PRKD2: variants seen among roughly 807,000 people sequenced by gnomAD.
PRKD2 encodes protein kinase D2.
Under a neutral mutation model 86.0 loss-of-function variants are expected in PRKD2, and 22 were observed. The observed-to-expected ratio is 0.26, with a 90% CI of 0.18 to 0.37. The LOEUF (loss-of-function observed/expected upper bound fraction) is 0.37, where lower values mean the gene tolerates loss of function less well. Among genes scored for constraint, PRKD2 ranks in the 10% least tolerant of loss-of-function variants. The probability of loss-of-function intolerance (pLI) is 1.00; values close to 1 mark genes in which losing one functional copy is unlikely to be tolerated. For missense variants in PRKD2, 818 were observed against 1,199.2 expected (o/e 0.68, Z 4.70); for synonymous variants, 509 against 510.9 (o/e 1.00, Z 0.05).
chr19:46,681,583 T>TGGCCCCCCCC, intron 15 of PRKD2, 67 bp downstream of exon 15: 3 of 671,504 alleles, frequency 4.5e-6, no homozygotes, highest in East Asian at 3.6e-5. Context: ...ATAATCCCCT[T>TGGCCCCCCCC]CCCCACCCCC....
At chr19:46,698,112 G>A (rs1310928440) in intron 7 of PRKD2, among the ~76,000 whole-genome samples, 1 of 151,926 alleles carries the variant, frequency 6.6e-6, no homozygotes, top group Non-Finnish European at 1.5e-5. Context: ...AGCGATTCTC[G>A]TGCCTCAGCC....
rs1337367925 is a variant in PRKD2 at position 46,674,519 on chromosome 19, G to A, written c.*4C>T. The A allele has an allele frequency of 8.7e-6, 14 of 1,609,364 alleles. No homozygotes were observed. Among genetic ancestry groups the A allele is most frequent in the African/African-American group, 1.3e-5 (1 of 74,824 alleles). ...GGGCAGCAGCTGGACGAGGGCACAG[G>A]ACCTCAGAGAACACTGATGCGCTCC... On this transcript the variant is annotated 3_prime_UTR_variant, in exon 18 of 18. Transcript: ENST00000291281.
intron 9 of PRKD2, among the ~76,000 whole-genome samples, chr19:46,696,941 A>T (rs2053567149): frequency 6.6e-6 from 1 of 152,060 alleles, no homozygotes; most frequent in South Asian, 2.1e-4. Context: ...GGCACTGAGA[A>T]GTAAGGGAAC....
chr19:46,678,281 T>TGGG lies in PRKD2; in HGVS notation c.2338+114_2338+115insCCC. 1.4e-6 allele frequency: 2 copies of TGGG among 1,464,416 alleles called. No homozygotes were observed. Among genetic ancestry groups the TGGG allele is most frequent in the Non-Finnish European group, 1.8e-6 (2 of 1,096,510 alleles). The allele number at this position is 1,464,416 out of a possible 1,614,324, so 90.7% of individuals were successfully genotyped here. A position where few individuals can be genotyped will look rare whatever the true frequency, so the allele number is the denominator to read the frequency against. Reference sequence around the variant, plus strand: ...CAGTAGGCCCGCCCCAGCACTGGGCTCCACCCCCAAGGTGCCAGGCTGTTT... The same window carrying TGGG: ...CAGTAGGCCCGCCCCAGCACTGGGCTGGGCCACCCCCAAGGTGCCAGGCTGTTT... On this transcript the variant is annotated intron_variant, in intron 16 of 17. Transcript: ENST00000291281. This position sits in a 1 kb window ranked among gnomAD's most constrained non-coding sequence, Gnocchi z 5.7.
intron 1 of PRKD2, 140 bp from the exon 2 acceptor site, chr19:46,714,141 C>T (rs2122180517): frequency 7.2e-7 from 1 of 1,388,556 alleles, no homozygotes; most frequent in Non-Finnish European, 9.4e-7. Flanking sequence ...TTCCTGCCTG[C>T]CCCCTCCCAA....
rs776604558 is a variant in PRKD2 at position 46,674,485 on chromosome 19, C to T, written c.*38G>A. Reference sequence around the variant, plus strand: ...TCATTGCTGGGATCCTGTGAAGAACCGCTGTGGAGGGCAGCAGCTGGACGA... The same window carrying T: ...TCATTGCTGGGATCCTGTGAAGAACTGCTGTGGAGGGCAGCAGCTGGACGA... On this transcript the variant is annotated 3_prime_UTR_variant, in exon 18 of 18. Transcript: ENST00000291281. The T allele has an allele frequency of 3.2e-6, 5 of 1,580,942 alleles. No individual in the cohort carries two copies. The highest frequency in any genetic ancestry group is 1.7e-5 in the Admixed American group (1 of 57,310).
Position 46,716,147 on chromosome 19 carries a change from G to A in PRKD2, c.224C>T (p.Ser75Phe), listed in dbSNP as rs2053878400. The A allele has an allele frequency of 6.2e-7, 1 of 1,611,054 alleles. No homozygotes were observed. Among genetic ancestry groups the A allele is most frequent in the Non-Finnish European group, 8.5e-7 (1 of 1,179,282 alleles). Residue 75 changes from serine to phenylalanine, a missense_variant, in exon 1 of 18, where the codon TCC becomes TTC. Around this residue, in one of 5 missense-constraint regions of PRKD2, gnomAD observed 403 missense variants for 518.6 expected, o/e 0.78. Coordinates refer to ENST00000291281, the MANE Select transcript of PRKD2 (RefSeq NM_016457.5). The surrounding 1 kb of genome is among the most constrained non-coding windows in gnomAD (Gnocchi z 7.9). ...CGCCCTCACCTTCTGGTCCACGATGGAACAGGCCAGCTGCTTCACATGAGC... is the reference window on the plus strand; with the variant it reads ...CGCCCTCACCTTCTGGTCCACGATGAAACAGGCCAGCTGCTTCACATGAGC... ...ELAHVKQLACSIVDQKFPECG... is the reference protein window; with the variant it reads ...ELAHVKQLACFIVDQKFPECG...
At chr19:46,714,204 C>T in intron 1 of PRKD2, 2 of 1,310,592 alleles carry the variant, frequency 1.5e-6, no homozygotes, top group South Asian at 2.1e-5. Flanking sequence ...GGGGAGGGGG[C>T]GCCGGCGTGG....
intron 9 of PRKD2, 66 bp from the exon 10 acceptor site, chr19:46,694,199 A>G: frequency 6.3e-7 from 1 of 1,576,060 alleles, no homozygotes; most frequent in Non-Finnish European, 8.6e-7. Context: ...GTGCTTACCC[A>G]GAAGGATACA....
chr19:46,712,728 G>A (rs750140829), intron 2 of PRKD2, among the ~76,000 whole-genome samples: 7 of 152,184 alleles, frequency 4.6e-5, no homozygotes, highest in Non-Finnish European at 1.0e-4. Context: ...GTTTCACTGG[G>A]CACTGCAGTA....
Position 46,693,370 on chromosome 19 carries a change from T to C in PRKD2, c.1576+505A>G, listed in dbSNP as rs372387152. 2.6e-5 allele frequency among the ~76,000 whole-genome samples: 4 copies of C among 152,278 alleles called. No homozygotes were observed. In the East Asian group the frequency reaches 7.7e-4, roughly 29 times the overall value. On this transcript the variant is annotated intron_variant, in intron 10 of 17. Transcript: ENST00000291281. This position sits in a 1 kb window ranked among gnomAD's most constrained non-coding sequence, Gnocchi z 4.5. ...TTATCAGCACCTGGGACAAGGCTCATGGAGGGGAAGTGATATGCCCAGGGC... is the reference window on the plus strand; with the variant it reads ...TTATCAGCACCTGGGACAAGGCTCACGGAGGGGAAGTGATATGCCCAGGGC...
intron 7 of PRKD2, among the ~76,000 whole-genome samples, 182 bp downstream of exon 7, chr19:46,700,617 G>A (rs1188598631): frequency 6.6e-6 from 1 of 152,164 alleles, no homozygotes; most frequent in East Asian, 1.9e-4. Context: ...GCGACAGACC[G>A]AGACCCTGTC....
chr19:46,675,360 T>C (rs1377252462), intron 16 of PRKD2, among the ~76,000 whole-genome samples: 1 of 152,206 alleles, frequency 6.6e-6, no homozygotes, highest in Non-Finnish European at 1.5e-5. Context: ...TCTACTTCAA[T>C]TTCCCCATTC....
chr19:46,701,739 C>T (rs1471628887), intron 5 of PRKD2, among the ~76,000 whole-genome samples: 1 of 151,742 alleles, frequency 6.6e-6, no homozygotes, highest in Non-Finnish European at 1.5e-5. Context: ...GTTCCTCAAC[C>T]CGTGACACTA....
chr19:46,697,418 C>T (rs1030505957), intron 8 of PRKD2, 184 bp from the exon 9 acceptor site: 6 of 457,762 alleles, frequency 1.3e-5, no homozygotes, highest in African/African-American at 7.9e-5. Context: ...CTAGCCTTAA[C>T]CCTAGCCCAG....
At position 46,708,845 on chromosome 19, in the gene PRKD2, AAGAC is replaced by A. The variant is rs2053756514; in HGVS notation, c.511+2058_511+2061del. Among the ~76,000 whole-genome samples the A allele has an allele frequency of 2.0e-5, 3 of 152,306 alleles. No individual in the cohort carries two copies. In the South Asian group the frequency reaches 6.2e-4, roughly 32 times the overall value. Reference sequence around the variant, plus strand: ...TTTGTTAAGGCAGCCCTGACAAACTAAGACAGGTGCCAGGTTGACAAGAGATGGA... The same window carrying A: ...TTTGTTAAGGCAGCCCTGACAAACTAAGGTGCCAGGTTGACAAGAGATGGA... On this transcript the variant is annotated intron_variant, in intron 3 of 17. Coordinates refer to ENST00000291281, the MANE Select transcript of PRKD2 (RefSeq NM_016457.5).
intron 3 of PRKD2, 156 bp downstream of exon 3, chr19:46,710,751 G>A (rs2053794011): frequency 2.3e-6 from 2 of 868,672 alleles, no homozygotes; most frequent in Non-Finnish European, 3.4e-6. Flanking sequence ...CTCTGCTTCT[G>A]GGCCCATCCT....
At chr19:46,714,227 G>A in intron 1 of PRKD2, 4 of 1,309,154 alleles carry the variant, frequency 3.1e-6, no homozygotes, top group Non-Finnish European at 3.9e-6. Flanking sequence ...TTGGTGGCTG[G>A]AAGGGGGAGC....
At chr19:46,691,354 A>G (rs2053481219) in intron 12 of PRKD2, among the ~76,000 whole-genome samples, 2 of 151,914 alleles carry the variant, frequency 1.3e-5, no homozygotes, top group African/African-American at 4.8e-5. Context: ...CCTCTTTTCC[A>G]ATCAGAATCT....
Sources: allele counts gnomAD v4.1 joint callset (sites outside exome capture counted in the v4.1 genomes callset), GRCh38; gene constraint gnomAD v4.1.1; regional missense constraint gnomAD v4.1.1; non-coding constraint Gnocchi (gnomAD v3.1); transcripts MANE v1.5; gene names NCBI Gene and HGNC (gene_info 2026-07-23, HGNC 2026-07-21).